Variants in FAM120C observed in about 807,000 individuals in gnomAD.
The protein encoded by FAM120C is constitutive coactivator of PPAR-gamma-like protein 2.
Under a neutral mutation model 71.2 loss-of-function variants are expected in FAM120C, and 14 were observed. The ratio of observed to expected loss-of-function variants is 0.20; its 90% CI spans 0.13 to 0.31. The LOEUF (loss-of-function observed/expected upper bound fraction) is 0.31. FAM120C is among the 10% of genes least tolerant of loss of function. FAM120C has a pLI of 1.00. For synonymous variants in FAM120C, 354 were observed against 353.2 expected (o/e 1.00, Z -0.03); for missense variants, 500 against 879.0 (o/e 0.57, Z 5.45).
In FAM120C at chrX:54,081,356, T is replaced by G; in HGVS notation, c.2944A>C (p.Met982Leu). 8.3e-7 allele frequency: 1 copy of G among 1,209,048 alleles called. No homozygotes were observed. Among genetic ancestry groups the G allele is most frequent in the Non-Finnish European group, 1.1e-6 (1 of 894,574 alleles). Residue 982 changes from methionine (M) to leucine (L), a missense_variant, in exon 14 of 16, where the codon ATG becomes CTG. Physicochemically the swap from Met to Leu is conservative, Grantham distance 15. Transcript: ENST00000375180. ...RSSRGRGSFG[M>L]QVVSVGGPGK... ...GGCCCACCGACAGAAACCACTTGCA[T>G]GCCGAAGGATCCTCGGCCCCTGGAG... is the stretch of plus-strand genomic sequence containing the variant.
intron 1 of FAM120C, chrX:54,174,120 T>G: frequency 3.9e-6 from 2 of 513,512 alleles, no homozygotes; most frequent in Non-Finnish European, 7.0e-6. Flanking sequence ...GGCCTCTCCA[T>G]AGGGCAGCTC....
chrX:54,118,699 C>CTTTTTTTTTTTTTTTTT, intron 9 of FAM120C, among the ~76,000 whole-genome samples: 1 of 31,721 alleles, frequency 3.2e-5, no homozygotes. Flanking sequence ...TTCTTTTTTT[C>CTTTTTTTTTTTTTTTTT]TTTTTTTTTT....
intron 9 of FAM120C, among the ~76,000 whole-genome samples, chrX:54,128,404 G>C (rs1352125915): frequency 4.5e-5 from 5 of 111,537 alleles, no homozygotes; most frequent in Admixed American, 3.8e-4. Context: ...GTGATGCTGA[G>C]TATTTTTTCA....
In FAM120C at chrX:54,081,323, C is replaced by T. The variant is rs1569531446; in HGVS notation, c.2977G>A (p.Gly993Arg). Reference sequence around the variant, plus strand: ...ATATCAACCTATTTGGGTACATACCCCTTTCCTGGCCCACCGACAGAAACC... The same window carrying T: ...ATATCAACCTATTTGGGTACATACCTCTTTCCTGGCCCACCGACAGAAACC... ...QVVSVGGPGKGHGKEQTGRGS... is the reference protein window; with the variant it reads ...QVVSVGGPGKRHGKEQTGRGS... The change falls in exon 14 of 16, where the codon GGG (glycine) becomes AGG (arginine). Residue 993 changes from glycine to arginine, a missense_variant and splice_region_variant. Physicochemically the swap from Gly to Arg is moderately radical, Grantham distance 125. Around this residue, in one of 11 missense-constraint regions of FAM120C, gnomAD observed 85 missense variants for 96.1 expected, o/e 0.88. Transcript: ENST00000375180. 1 of 1,208,104 alleles carries T rather than the reference C, an allele frequency of 8.3e-7. No homozygotes were observed. The highest frequency in any genetic ancestry group is 2.2e-5 in the Admixed American group (1 of 45,530).
chrX:54,094,162 C>A (rs999850534), intron 10 of FAM120C, among the ~76,000 whole-genome samples: 2 of 98,128 alleles, frequency 2.0e-5, no homozygotes, highest in African/African-American at 7.5e-5. Context: ...ATGATTTCAG[C>A]TCACTGCAAG....
intron 9 of FAM120C, among the ~76,000 whole-genome samples, chrX:54,129,131 G>A (rs1420988558): frequency 1.3e-4 from 14 of 105,927 alleles, no homozygotes; most frequent in Non-Finnish European, 2.4e-4. Context: ...CGGACGGGGC[G>A]GCCGGCCGGG....
intron 3 of FAM120C, 119 bp downstream of exon 3, chrX:54,157,570 T>A (rs1239770374): frequency 7.3e-6 from 4 of 545,800 alleles, no homozygotes; most frequent in Non-Finnish European, 1.2e-5. Flanking sequence ...AACTAATATT[T>A]TTTTCTTTTG....
Position 54,073,235 on chromosome X carries a change from C to T in FAM120C, c.3089G>A (p.Arg1030His), listed in dbSNP as rs782728311. The change falls in exon 16 of 16, where the codon CGC becomes CAC. Residue 1030 changes from arginine (R) to histidine (H), a missense_variant. By Grantham distance (29) the Arg-to-His change is conservative. Transcript: ENST00000375180. ...GCCACTGTTTCCATTTACCTGGGAG[C>T]GAGACCGACCTTGATGAAGCTCCAG... The part of the protein sequence containing the change: ...KSLELHQGRS[R>H]SQVNGNSGAL... 1.2e-5 allele frequency: 14 copies of T among 1,205,969 alleles called. No homozygotes were observed. In the African/African-American group the frequency reaches 1.8e-4, roughly 15 times the overall value.
intron 9 of FAM120C, among the ~76,000 whole-genome samples, chrX:54,129,085 C>A (rs1384009897): frequency 1.9e-5 from 2 of 104,410 alleles, no homozygotes; most frequent in Non-Finnish European, 3.9e-5. Context: ...GACGGGGCGG[C>A]CGGCCGGGCA....
chrX:54,095,463 G>A (rs913123331), intron 10 of FAM120C, among the ~76,000 whole-genome samples: 4 of 105,424 alleles, frequency 3.8e-5, no homozygotes, highest in African/African-American at 1.4e-4. Context: ...CTCCCACCTC[G>A]GCCTCCTGAG....
chrX:54,169,990 G>A (rs782604766), intron 1 of FAM120C, among the ~76,000 whole-genome samples: 2 of 111,959 alleles, frequency 1.8e-5, no homozygotes, highest in South Asian at 7.5e-4. Flanking sequence ...CCTCTCAACT[G>A]TAGGAATTTC....
intron 10 of FAM120C, among the ~76,000 whole-genome samples, chrX:54,110,189 C>T (rs782008658): frequency 4.7e-5 from 5 of 107,048 alleles, no homozygotes; most frequent in Non-Finnish European, 9.6e-5. Flanking sequence ...GAGGTTTCAC[C>T]GTGTTAGCCA....
At chrX:54,125,227 A>T (rs2067020478) in intron 9 of FAM120C, among the ~76,000 whole-genome samples, 1 of 109,634 alleles carries the variant, frequency 9.1e-6, no homozygotes, top group African/African-American at 3.3e-5. Context: ...AAAAAAAAAA[A>T]TCAGTACTCA....
At chrX:54,098,596 T>G (rs929162576) in intron 10 of FAM120C, among the ~76,000 whole-genome samples, 1 of 111,604 alleles carries the variant, frequency 9.0e-6, no homozygotes, top group Non-Finnish European at 1.9e-5. Context: ...CATGTGCTTA[T>G]TGGACATTTG....
At position 54,071,862 on chromosome X, in the gene FAM120C, C is replaced by G. The variant is rs2066710191; in HGVS notation, c.*1171G>C. ...AAGAATTTCAGATTAAAAGTGTGGT[C>G]TTTTGAAACCTTCCACTCCATAGCA... On this transcript the variant is annotated 3_prime_UTR_variant, in exon 16 of 16. Coordinates refer to ENST00000375180, the MANE Select transcript of FAM120C (RefSeq NM_017848.6). 1 of 108,327 alleles carries G rather than the reference C, an allele frequency of 9.2e-6. No homozygotes were observed. The highest frequency in any genetic ancestry group is 3.4e-5 in the African/African-American group (1 of 29,806). 8.9% of individuals were successfully genotyped at this position (108,327 alleles called of 1,213,427 possible). A position where few individuals can be genotyped will look rare whatever the true frequency, so the allele number is the denominator to read the frequency against.
At chrX:54,086,767 A>AT (rs1397501773) in intron 12 of FAM120C, among the ~76,000 whole-genome samples, 1 of 107,329 alleles carries the variant, frequency 9.3e-6, no homozygotes, top group Non-Finnish European at 1.9e-5. Flanking sequence ...AAAAAAAAAA[A>AT]AAAAAAAGAA....
intron 3 of FAM120C, among the ~76,000 whole-genome samples, chrX:54,155,261 G>A (rs1170291777): frequency 2.7e-5 from 3 of 111,636 alleles, no homozygotes; most frequent in African/African-American, 9.8e-5. Context: ...AAGGAACCAG[G>A]ATGGAACTCT....
intron 9 of FAM120C, among the ~76,000 whole-genome samples, chrX:54,129,792 C>T (rs1319734169): frequency 2.7e-5 from 3 of 112,163 alleles, no homozygotes; most frequent in East Asian, 2.8e-4. Context: ...CCGAGGCTGG[C>T]GGATCACTTG....
chrX:54,105,800 C>T, intron 10 of FAM120C, among the ~76,000 whole-genome samples: 1 of 111,570 alleles, frequency 9.0e-6, no homozygotes, highest in Non-Finnish European at 1.9e-5. Flanking sequence ...AGTGAACTCC[C>T]ATTCACAACT....
Sources: gnomAD v4.1 joint callset for allele counts (sites outside exome capture counted in the v4.1 genomes callset) on GRCh38, gnomAD v4.1.1 for gene constraint, gnomAD v4.1.1 regional missense constraint, MANE v1.5 for transcripts, NCBI Gene and HGNC (gene_info 2026-07-23, HGNC 2026-07-21) for gene names.